Variants in ZC3H7B observed in about 807,000 individuals in gnomAD.
The protein encoded by ZC3H7B is zinc finger CCCH-type containing 7B.
In ZC3H7B, 35 loss-of-function variants were observed where a neutral mutation model predicts 116.0. The ratio of observed to expected loss-of-function variants is 0.30; its 90% CI spans 0.23 to 0.40. The LOEUF (loss-of-function observed/expected upper bound fraction) is 0.40. Ranked by LOEUF, ZC3H7B falls within the 10% of genes least tolerant of loss-of-function variation. The pLI, the probability that ZC3H7B is intolerant of heterozygous loss-of-function variation, is 1.00. For synonymous variants in ZC3H7B, 502 were observed against 545.6 expected (o/e 0.92, Z 1.11); for missense variants, 1,011 against 1,321.5 (o/e 0.77, Z 3.64).
rs1433280639 is a variant in ZC3H7B, at chr22:41,359,083, C to G, written c.*1654C>G. Reference sequence around the variant, plus strand: ...GCCCTTTCCTCTTCCCTGCCCCACCCCCTGGCCGCAGCAGGCCAGCACTGC... The same window carrying G: ...GCCCTTTCCTCTTCCCTGCCCCACCGCCTGGCCGCAGCAGGCCAGCACTGC... On this transcript the variant is annotated 3_prime_UTR_variant, in exon 23 of 23. Transcript: ENST00000352645. 6.5e-6 allele frequency: 1 copy of G among 152,934 alleles called. No homozygotes were observed. Among genetic ancestry groups the G allele is most frequent in the Non-Finnish European group, 1.5e-5 (1 of 68,238 alleles). The allele number at this position is 152,934 out of a possible 1,614,324, so 9.5% of individuals were successfully genotyped here. A position where few individuals can be genotyped will look rare whatever the true frequency, so the allele number is the denominator to read the frequency against.
At position 41,346,061 on chromosome 22, in the gene ZC3H7B, G is replaced by A; in HGVS notation, c.1518G>A (p.Gln506=). Reference sequence around the variant, plus strand: ...ATAACTGCACCTTCGCCTACCATCAGGAGGAGATCGACGTGTGGACCGAGG... The same window carrying A: ...ATAACTGCACCTTCGCCTACCATCAAGAGGAGATCGACGTGTGGACCGAGG... ...YGDNCTFAYH[Q]EEIDVWTEER... Residue 506 remains glutamine, a synonymous_variant, in exon 14 of 23, where the codon CAG becomes CAA. Coordinates refer to ENST00000352645, the MANE Select transcript of ZC3H7B (RefSeq NM_017590.6). This position sits in a 1 kb window ranked among gnomAD's most constrained non-coding sequence, Gnocchi z 5.3. The A allele has an allele frequency of 6.2e-7, 1 of 1,614,078 alleles. No homozygotes were observed. Among genetic ancestry groups the A allele is most frequent in the Non-Finnish European group, 8.5e-7 (1 of 1,180,022 alleles).
chr22:41,307,596 G>T (rs1293896551), intron 1 of ZC3H7B, among the ~76,000 whole-genome samples: 3 of 152,178 alleles, frequency 2.0e-5, no homozygotes, highest in African/African-American at 7.2e-5. Context: ...GGATCGTGGG[G>T]ATACGATCAC....
At chr22:41,311,068 C>CT (rs747090159) in intron 1 of ZC3H7B, among the ~76,000 whole-genome samples, 2,665 of 132,114 alleles carry the variant, frequency 0.02, 59 homozygotes, top group East Asian at 0.052. Context: ...CCCAGCCTCA[C>CT]TTTTTTTTTT....
At position 41,357,020 on chromosome 22, in the gene ZC3H7B, C is replaced by T. The variant is rs2145946131; in HGVS notation, c.2682-157C>T. 6.6e-6 allele frequency among the ~76,000 whole-genome samples: 1 copy of T among 152,218 alleles called. No individual in the cohort carries two copies. The highest frequency in any genetic ancestry group is 6.5e-5 in the Admixed American group (1 of 15,292). On this transcript the variant is annotated intron_variant, in intron 22 of 22. Coordinates refer to ENST00000352645, the MANE Select transcript of ZC3H7B (RefSeq NM_017590.6). The surrounding 1 kb of genome is among the most constrained non-coding windows in gnomAD (Gnocchi z 5.4). Reference sequence around the variant, plus strand: ...TTTAATTTGCAGCTGTGGGGCAGATCCCAGAGAGGGTCAGGACACCCAGGT... The same window carrying T: ...TTTAATTTGCAGCTGTGGGGCAGATTCCAGAGAGGGTCAGGACACCCAGGT...
rs35397354 is a variant in ZC3H7B, at chr22:41,346,966, C to CAA, written c.1665+776_1665+777dup. Reference sequence around the variant, plus strand: ...TGGGTGACAGAGTGAGACCCTATTCCAAAAAAAAAAAAAAAAAAATGTCAT... The same window carrying CAA: ...TGGGTGACAGAGTGAGACCCTATTCCAAAAAAAAAAAAAAAAAAAAATGTCAT... On this transcript the variant is annotated intron_variant, in intron 14 of 22. Coordinates refer to ENST00000352645, the MANE Select transcript of ZC3H7B (RefSeq NM_017590.6). This position sits in a 1 kb window ranked among gnomAD's most constrained non-coding sequence, Gnocchi z 5.3. 3.4e-5 allele frequency among the ~76,000 whole-genome samples: 4 copies of CAA among 116,736 alleles called. No homozygotes were observed. Among genetic ancestry groups the CAA allele is most frequent in the Admixed American group, 8.1e-5 (1 of 12,362 alleles). The allele number at this position is 116,736 out of a possible 152,430, so 76.6% of individuals were successfully genotyped here. A position where few individuals can be genotyped will look rare whatever the true frequency, so the allele number is the denominator to read the frequency against.
chr22:41,306,976 T>TTC (rs2036051115), intron 1 of ZC3H7B, among the ~76,000 whole-genome samples: 2 of 147,980 alleles, frequency 1.4e-5, no homozygotes, highest in Non-Finnish European at 3.0e-5. Flanking sequence ...CTCCTTTCTT[T>TTC]TTTTTTTTTT....
At chr22:41,303,325 G>A (rs1216689070) in intron 1 of ZC3H7B, among the ~76,000 whole-genome samples, 1 of 152,194 alleles carries the variant, frequency 6.6e-6, no homozygotes, top group African/African-American at 2.4e-5. Context: ...CTGTTCTGTA[G>A]ATGCTGTGTG....
At chr22:41,314,599 T>C (rs186960980) in intron 1 of ZC3H7B, among the ~76,000 whole-genome samples, 2 of 150,442 alleles carry the variant, frequency 1.3e-5, no homozygotes, top group African/African-American at 2.4e-5. Context: ...TAATCATCAT[T>C]ATTATTTTTT....
chr22:41,344,236 A>G (rs2036558358), intron 13 of ZC3H7B, among the ~76,000 whole-genome samples: 1 of 152,108 alleles, frequency 6.6e-6, no homozygotes, highest in South Asian at 2.1e-4. Context: ...GAGTGCACCC[A>G]CGGCTCTGCC....
chr22:41,309,008 CTTT>C (rs57147100), intron 1 of ZC3H7B, among the ~76,000 whole-genome samples: 7,442 of 102,862 alleles, frequency 0.072, 279 homozygotes, highest in African/African-American at 0.15. Context: ...TCCCAGTCTG[CTTT>C]TTTTTTTTTT....
At chr22:41,348,019 C>G in intron 14 of ZC3H7B, 48 bp from the exon 15 acceptor site, 1 of 1,554,048 alleles carries the variant, frequency 6.4e-7, no homozygotes, top group Non-Finnish European at 8.9e-7. Flanking sequence ...AGCTCACCCC[C>G]TTCCCAGGTG....
intron 1 of ZC3H7B, among the ~76,000 whole-genome samples, chr22:41,313,858 C>T (rs1407629734): frequency 6.6e-6 from 1 of 151,288 alleles, no homozygotes; most frequent in African/African-American, 2.4e-5. Flanking sequence ...GCGATTCTCC[C>T]GCTTCAGCCT....
intron 1 of ZC3H7B, among the ~76,000 whole-genome samples, chr22:41,317,734 A>G (rs189365327): frequency 2.5e-4 from 38 of 152,196 alleles, no homozygotes; most frequent in Admixed American, 2.1e-3. Flanking sequence ...CAGTGAGCCA[A>G]GATCACACCA....
intron 1 of ZC3H7B, among the ~76,000 whole-genome samples, chr22:41,315,620 T>G (rs1442891128): frequency 6.6e-6 from 1 of 152,164 alleles, no homozygotes; most frequent in African/African-American, 2.4e-5. Context: ...CTGGGAGTCC[T>G]AGTCAGTGTG....
At chr22:41,319,667 T>A (rs2036805385) in intron 1 of ZC3H7B, among the ~76,000 whole-genome samples, 1 of 152,064 alleles carries the variant, frequency 6.6e-6, no homozygotes, top group South Asian at 2.1e-4. Flanking sequence ...TAATTGCGTG[T>A]ATCCTTCCTA....
At chr22:41,315,531 C>T (rs2036171776) in intron 1 of ZC3H7B, among the ~76,000 whole-genome samples, 1 of 152,084 alleles carries the variant, frequency 6.6e-6, no homozygotes, top group Admixed American at 6.6e-5. Context: ...CTGTGTTAGT[C>T]TGCATAGGTT....
At chr22:41,332,051 T>C in intron 6 of ZC3H7B, 120 bp from the exon 7 acceptor site, 1 of 1,021,176 alleles carries the variant, frequency 9.8e-7, no homozygotes, top group East Asian at 2.4e-5. Flanking sequence ...ACAGGGACTC[T>C]CGGGGGCGCT....
At position 41,357,527 on chromosome 22, in the gene ZC3H7B, G is replaced by C; in HGVS notation, c.*98G>C. The C allele has an allele frequency of 1.1e-6, 1 of 874,292 alleles. No homozygotes were observed. Among genetic ancestry groups the C allele is most frequent in the Non-Finnish European group, 1.7e-6 (1 of 602,670 alleles). 54.2% of individuals were successfully genotyped at this position (874,292 alleles called of 1,614,324 possible). On this transcript the variant is annotated 3_prime_UTR_variant, in exon 23 of 23. Transcript: ENST00000352645. This position sits in a 1 kb window ranked among gnomAD's most constrained non-coding sequence, Gnocchi z 5.4. Reference sequence around the variant, plus strand: ...TCAGGGCAGGCCAGGGGGGTGGGGGGCCGCCCTCATCAGGCAGCCCCCAGC... The same window carrying C: ...TCAGGGCAGGCCAGGGGGGTGGGGGCCCGCCCTCATCAGGCAGCCCCCAGC...
chr22:41,342,824 T>C (rs773926148), intron 12 of ZC3H7B, among the ~76,000 whole-genome samples, 196 bp downstream of exon 12: 4 of 152,088 alleles, frequency 2.6e-5, no homozygotes, highest in Non-Finnish European at 4.4e-5. Context: ...CACAGTCCTT[T>C]CTAGAGAAAC....
Sources: gnomAD v4.1 joint callset for allele counts (sites outside exome capture counted in the v4.1 genomes callset) on GRCh38, gnomAD v4.1.1 for gene constraint, Gnocchi (gnomAD v3.1) non-coding constraint, MANE v1.5 for transcripts, NCBI Gene and HGNC (gene_info 2026-07-23, HGNC 2026-07-21) for gene names.